The following DAO variants were observed in gnomAD, a reference collection of about 807,000 sequenced individuals.
DAO encodes the protein D-amino acid oxidase.
A neutral mutation model predicts 50.1 loss-of-function variants in DAO; 51 were observed. That is an observed-to-expected ratio of 1.02 (90% CI 0.81 to 1.29). The LOEUF is 1.29. Among genes scored for constraint, DAO ranks in the 50% most tolerant of loss-of-function variants. The pLI, the probability that DAO is intolerant of heterozygous loss-of-function variation, is 0.00. For synonymous variants in DAO, 160 were observed against 166.2 expected (o/e 0.96, Z 0.29); for missense variants, 436 against 439.4 (o/e 0.99, Z 0.07).
chr12:108,897,078 A>T lies in DAO; in HGVS notation c.685A>T (p.Ile229Phe), dbSNP rs779493322. 3 of 1,613,238 alleles carry T rather than the reference A, an allele frequency of 1.9e-6. No homozygotes were observed. The highest frequency in any genetic ancestry group is 2.5e-6 in the Non-Finnish European group (3 of 1,179,244). The stretch of plus-strand genomic sequence containing the variant: ...GAGAGGCATCTACAATTCCCCGTAC[A>T]TCATCCCAGGGTAAAATTGGACTGT... Reference protein sequence around the residue: ...PERGIYNSPYIIPGTQTVTLG... With the variant: ...PERGIYNSPYFIPGTQTVTLG... Residue 229 changes from isoleucine (I) to phenylalanine (F), a missense_variant, in exon 8 of 11, where the codon ATC becomes TTC. Physicochemically the swap from Ile to Phe is conservative, Grantham distance 21 (BLOSUM62 0). Transcript: ENST00000228476.
At chr12:108,882,492 G>A (rs1464650222) in intron 1 of DAO, among the ~76,000 whole-genome samples, 5 of 152,146 alleles carry the variant, frequency 3.3e-5, no homozygotes, top group South Asian at 2.1e-4. Context: ...CAGCCTGGGC[G>A]ACAAGAGTGA....
chr12:108,883,262 T>A (rs905864881), intron 1 of DAO, among the ~76,000 whole-genome samples: 3 of 152,192 alleles, frequency 2.0e-5, no homozygotes, highest in Non-Finnish European at 2.9e-5. Context: ...TTCTCCTGCC[T>A]CAGCCTCCCG....
intron 5 of DAO, among the ~76,000 whole-genome samples, chr12:108,891,661 T>C (rs1462258721): frequency 6.6e-6 from 1 of 152,010 alleles, no homozygotes; most frequent in Non-Finnish European, 1.5e-5. Context: ...TGTAGTGGTA[T>C]GAACACAACT....
At position 108,889,511 on chromosome 12, in the gene DAO, AC is replaced by A. The variant is rs2137348941; in HGVS notation, c.357del (p.Arg120GlufsTer18). ...KDTVLGFRKLTPRELDMFPDY... is the reference protein window; with the variant it reads ...KDTVLGFRKLXPRELDMFPDY... ...CACAGTTCTGGGATTTCGGAAGCTG[AC>A]CCCCAGAGAGCTGGATATGTTCCCA... On this transcript the variant is annotated frameshift_variant, in exon 4 of 11. Transcript: ENST00000228476. LOFTEE classifies it high-confidence loss of function. 5 of 1,613,014 alleles carry A rather than the reference AC, an allele frequency of 3.1e-6. No individual in the cohort carries two copies. In the East Asian group the frequency reaches 1.1e-4, roughly 36 times the overall value.
chr12:108,899,834 G>A, intron 10 of DAO: 1 of 359,930 alleles, frequency 2.8e-6, no homozygotes, highest in Non-Finnish European at 5.3e-6. Context: ...GTGTTAACAT[G>A]GCTGCACTAA....
chr12:108,890,414 G>T (rs1016849806), intron 5 of DAO, 141 bp downstream of exon 5: 6 of 703,628 alleles, frequency 8.5e-6, no homozygotes, highest in African/African-American at 1.7e-5. Flanking sequence ...AGCTATCCTT[G>T]GTCCTGATCA....
At chr12:108,892,610 C>A (rs1240541645) in intron 5 of DAO, among the ~76,000 whole-genome samples, 1 of 152,194 alleles carries the variant, frequency 6.6e-6, no homozygotes, top group African/African-American at 2.4e-5. Context: ...CCCTTCTCTA[C>A]TCTGAATCTC....
intron 3 of DAO, among the ~76,000 whole-genome samples, chr12:108,888,431 G>A (rs1315494303): frequency 6.6e-6 from 1 of 151,912 alleles, no homozygotes; most frequent in East Asian, 1.9e-4. Context: ...TGCTTCCTGG[G>A]TTCAAGCCAT....
chr12:108,880,714 A>ATTTCT (rs1555244655), intron 1 of DAO, among the ~76,000 whole-genome samples: 2 of 148,834 alleles, frequency 1.3e-5, no homozygotes, highest in Non-Finnish European at 3.0e-5. Context: ...TGGCTTACTG[A>ATTTCT]TTTTTTTTTT....
intron 8 of DAO, among the ~76,000 whole-genome samples, chr12:108,897,444 C>T (rs1399939324): frequency 6.6e-6 from 1 of 152,074 alleles, no homozygotes; most frequent in African/African-American, 2.4e-5. Context: ...TCTTGAACTC[C>T]TGACTCAGGT....
intron 7 of DAO, among the ~76,000 whole-genome samples, chr12:108,896,454 A>T (rs568596454): frequency 1.3e-5 from 2 of 149,128 alleles, no homozygotes; most frequent in East Asian, 4.1e-4. Context: ...TGAAGGTTTG[A>T]AGGAAAAAGG....
rs1282822539 is a variant in DAO at position 108,895,577 on chromosome 12, TGA to T, written c.612+1214_612+1215del. 3.4e-5 allele frequency among the ~76,000 whole-genome samples: 5 copies of T among 146,258 alleles called. 1 individual carries two copies. The highest frequency in any genetic ancestry group is 2.2e-4 in the South Asian group (1 of 4,650). Reference sequence around the variant, plus strand: ...ATGTGTGTGAAGGTGTGTGCGCATGTGAGAGTGTATGTACGTGTGTGATGGTG... The same window carrying T: ...ATGTGTGTGAAGGTGTGTGCGCATGTGAGTGTATGTACGTGTGTGATGGTG... On this transcript the variant is annotated intron_variant, in intron 7 of 10. Transcript: ENST00000228476.
chr12:108,881,603 T>A (rs2039381354), intron 1 of DAO, among the ~76,000 whole-genome samples: 1 of 62,076 alleles, frequency 1.6e-5, no homozygotes, highest in Non-Finnish European at 4.1e-5. Flanking sequence ...CCTTTTAAAT[T>A]TTTTTTTTTT....
chr12:108,895,889 G>A (rs2039549012), intron 7 of DAO, among the ~76,000 whole-genome samples: 1 of 151,920 alleles, frequency 6.6e-6, no homozygotes, highest in Non-Finnish European at 1.5e-5. Flanking sequence ...ACAACCAAAT[G>A]AGTGACTGAA....
rs182866845 is a variant in DAO, at chr12:108,892,250, C to T, written c.453-732C>T. The stretch of plus-strand genomic sequence containing the variant: ...CAATCTCGGCTCACTGCAAGCTCCG[C>T]CTCCTGGGTTCATGCCTTTCTCCTG... On this transcript the variant is annotated intron_variant, in intron 5 of 10. Coordinates refer to ENST00000228476, the MANE Select transcript of DAO (RefSeq NM_001917.5). Among the ~76,000 whole-genome samples, 14 of 150,014 alleles carry T rather than the reference C, an allele frequency of 9.3e-5. No homozygotes were observed. In the East Asian group the frequency reaches 2.8e-3, roughly 30 times the overall value.
chr12:108,896,105 C>T (rs1368865673), intron 7 of DAO, among the ~76,000 whole-genome samples: 2 of 151,568 alleles, frequency 1.3e-5, no homozygotes, highest in East Asian at 3.9e-4. Context: ...TTAGTTAGTG[C>T]CCAGTAAATC....
chr12:108,885,719 G>C (rs937663900), intron 2 of DAO, among the ~76,000 whole-genome samples: 1 of 152,152 alleles, frequency 6.6e-6, no homozygotes, highest in Non-Finnish European at 1.5e-5. Context: ...CACATGATTG[G>C]TGAATCTGGA....
intron 2 of DAO, among the ~76,000 whole-genome samples, chr12:108,885,665 GGA>G (rs2039429320): frequency 6.8e-6 from 1 of 148,012 alleles, no homozygotes; most frequent in African/African-American, 2.7e-5. Context: ...CCAGATACTA[GGA>G]GGCTTTGTCT....
intron 1 of DAO, 171 bp downstream of exon 1, chr12:108,880,395 AG>A (rs1222322545): frequency 1.9e-5 from 6 of 315,404 alleles, no homozygotes; most frequent in Non-Finnish European, 2.5e-5. Context: ...ACCATAGGTA[AG>A]TGATTTTTCC....
Sources: gnomAD v4.1 joint callset for allele counts (sites outside exome capture counted in the v4.1 genomes callset) on GRCh38, gnomAD v4.1.1 for gene constraint, MANE v1.5 for transcripts, NCBI Gene and HGNC (gene_info 2026-07-23, HGNC 2026-07-21) for gene names.